Variants in PRKAR1A observed in about 807,000 individuals in gnomAD.
The protein encoded by PRKAR1A is cAMP-dependent protein kinase type I-alpha regulatory subunit.
A neutral mutation model predicts 52.0 loss-of-function variants in PRKAR1A; 3 were observed. The ratio of observed to expected loss-of-function variants is 0.06; its 90% CI spans 0.03 to 0.15. The LOEUF (loss-of-function observed/expected upper bound fraction) is 0.15, where lower values mean the gene tolerates loss of function less well. Among genes scored for constraint, PRKAR1A ranks in the 10% least tolerant of loss-of-function variants. The probability of loss-of-function intolerance (pLI) is 1.00; values close to 1 mark genes in which losing one functional copy is unlikely to be tolerated. For missense variants in PRKAR1A, 240 were observed against 477.4 expected, an observed-to-expected ratio of 0.50 and a Z score of 4.63; for synonymous variants, 188 against 168.4, an observed-to-expected ratio of 1.12 and a Z score of -0.90.
At chr17:68,471,648 G>T in the PRKAR1A span, among the ~76,000 whole-genome samples, 1 of 152,126 alleles carries the variant, frequency 6.6e-6, no homozygotes, top group African/African-American at 2.4e-5. Context: ...GAGGGGGGAG[G>T]TCTTCGCCAG....
At chr17:68,476,262 A>G in the PRKAR1A span, among the ~76,000 whole-genome samples, 1 of 152,204 alleles carries the variant, frequency 6.6e-6, no homozygotes, top group African/African-American at 2.4e-5. Context: ...AGGAGATGGT[A>G]TGTTAAAAAC....
At chr17:68,429,896 A>G in the PRKAR1A span, 1 of 1,561,554 alleles carries the variant, frequency 6.4e-7, no homozygotes, top group Non-Finnish European at 8.7e-7. Context: ...GCCTGGGGCA[A>G]GTTTTCTTTT....
chr17:68,542,213 G>A (rs754961447), intron 11 of PRKAR1A: 2 of 1,598,796 alleles, frequency 1.3e-6, no homozygotes, highest in Admixed American at 3.4e-5. Context: ...GGCTCTGGAG[G>A]CATGACATCT....
At chr17:68,500,916 A>G in the PRKAR1A span, among the ~76,000 whole-genome samples, 1 of 152,210 alleles carries the variant, frequency 6.6e-6, no homozygotes, top group African/African-American at 2.4e-5. Flanking sequence ...CTGAGATGTG[A>G]GTAGAAAAGC....
At chr17:68,486,825 A>G in the PRKAR1A span, among the ~76,000 whole-genome samples, 1 of 151,762 alleles carries the variant, frequency 6.6e-6, no homozygotes, top group Middle Eastern at 3.4e-3. Flanking sequence ...CAGGTACCCA[A>G]GTGTTAATGG....
chr17:68,537,618 G>T, downstream of PRKAR1A: 2 of 1,613,808 alleles, frequency 1.2e-6, no homozygotes. This position sits in a 1 kb window ranked among gnomAD's most constrained non-coding sequence, Gnocchi z 4.2. Flanking sequence ...CCAGGGCAAG[G>T]AGGTGGGGTT....
Position 68,531,842 on chromosome 17 carries a change from C to A in PRKAR1A, c.*1393C>A. The A allele has an allele frequency of 9.7e-7, 1 of 1,034,416 alleles. No individual in the cohort carries two copies. The highest frequency in any genetic ancestry group is 1.2e-6 in the Non-Finnish European group (1 of 850,870). The allele number at this position is 1,034,416 out of a possible 1,614,324, so 64.1% of individuals were successfully genotyped here. On this transcript the variant is annotated 3_prime_UTR_variant, in exon 11 of 11. Transcript: ENST00000589228. ...TATTATTTTTTTAAACAAAATTTCA[C>A]AGTTCTGTAATGTAGGCACTTTTAT...
intron 2 of PRKAR1A, among the ~76,000 whole-genome samples, chr17:68,520,382 A>C (rs2085567088): frequency 6.6e-6 from 1 of 152,212 alleles, no homozygotes; most frequent in African/African-American, 2.4e-5. Flanking sequence ...TTTAATGCAA[A>C]ACCGAATGCA....
At chr17:68,490,207 C>T in the PRKAR1A span, among the ~76,000 whole-genome samples, 1 of 152,340 alleles carries the variant, frequency 6.6e-6, no homozygotes, top group South Asian at 2.1e-4. Context: ...CCCAGGGTCC[C>T]TTTGGCCCTC....
chr17:68,525,045 G>T, intron 6 of PRKAR1A, 87 bp downstream of exon 6: 1 of 1,072,750 alleles, frequency 9.3e-7, no homozygotes, highest in Non-Finnish European at 1.4e-6. Context: ...GATTTTGAAG[G>T]GTCATTACAT....
At chr17:68,539,865 A>T in intron 11 of PRKAR1A, 19 of 1,612,338 alleles carry the variant, frequency 1.2e-5, no homozygotes, top group Non-Finnish European at 1.6e-5. Flanking sequence ...GGATTGTTGA[A>T]CACACGTGGG....
At chr17:68,521,302 T>C (rs1230871771) in intron 2 of PRKAR1A, among the ~76,000 whole-genome samples, 1 of 152,208 alleles carries the variant, frequency 6.6e-6, no homozygotes, top group African/African-American at 2.4e-5. Context: ...CGATCATGGC[T>C]CACTGCAGTC....
chr17:68,426,254 G>GGGGGGGGGGGGGGGGGGGGGGT, the PRKAR1A span: 1 of 816,924 alleles, frequency 1.2e-6, no homozygotes, highest in Admixed American at 2.3e-5. Flanking sequence ...GGGAGCGGGG[G>GGGGGGGGGGGGGGGGGGGGGGT]CTCAAATAAA....
downstream of PRKAR1A, chr17:68,537,407 C>T (rs748375202): frequency 2.3e-5 from 37 of 1,600,662 alleles, no homozygotes; most frequent in Middle Eastern, 2.0e-4. The surrounding 1 kb of genome is among the most constrained non-coding windows in gnomAD (Gnocchi z 4.2). Flanking sequence ...GGAGTGAGGA[C>T]GCAGGGTCGG....
the PRKAR1A span, among the ~76,000 whole-genome samples, chr17:68,424,965 G>A: frequency 1.3e-5 from 2 of 152,210 alleles, no homozygotes; most frequent in African/African-American, 4.8e-5. Flanking sequence ...TCACAAGAGC[G>A]GTCTATATGT....
At chr17:68,491,397 G>C in the PRKAR1A span, among the ~76,000 whole-genome samples, 2 of 152,106 alleles carry the variant, frequency 1.3e-5, no homozygotes, top group Admixed American at 1.3e-4. Flanking sequence ...CAGCCAAAAT[G>C]ATTATTTCCT....
chr17:68,536,553 C>T (rs970645302), downstream of PRKAR1A: 4 of 453,932 alleles, frequency 8.8e-6, no homozygotes, highest in African/African-American at 2.0e-5. Context: ...ATCTAGAGGG[C>T]CTCACCTTTC....
the PRKAR1A span, among the ~76,000 whole-genome samples, chr17:68,454,394 G>A: frequency 6.6e-6 from 1 of 152,174 alleles, no homozygotes; most frequent in African/African-American, 2.4e-5. Context: ...AAAAAGAGAA[G>A]GTCACATGAT....
chr17:68,490,124 T>C, the PRKAR1A span, among the ~76,000 whole-genome samples: 3 of 152,234 alleles, frequency 2.0e-5, no homozygotes, highest in Non-Finnish European at 4.4e-5. Context: ...TTGATGACGA[T>C]GTCTGGTTTG....
Sources: allele counts gnomAD v4.1 joint callset (sites outside exome capture counted in the v4.1 genomes callset), GRCh38; gene constraint gnomAD v4.1.1; non-coding constraint Gnocchi (gnomAD v3.1); transcripts MANE v1.5; gene names NCBI Gene and HGNC (gene_info 2026-07-23, HGNC 2026-07-21).